CDH11: variants seen among roughly 807,000 people sequenced by gnomAD.
CDH11 encodes cadherin-11.
Under a neutral mutation model 67.8 loss-of-function variants are expected in CDH11, and 11 were observed. The ratio of observed to expected loss-of-function variants is 0.16; its 90% CI spans 0.10 to 0.27. CDH11 has a LOEUF of 0.27. CDH11 is among the 10% of genes least tolerant of loss of function. The pLI is 1.00. For missense variants in CDH11, 847 were observed against 1,031.2 expected (o/e 0.82, Z 2.45); for synonymous variants, 419 against 400.0 (o/e 1.05, Z -0.57).
At chr16:65,016,536 A>T (rs1286062376) in intron 2 of CDH11, among the ~76,000 whole-genome samples, 1 of 152,192 alleles carries the variant, frequency 6.6e-6, no homozygotes, top group Admixed American at 6.5e-5. Context: ...CCTATTGTGA[A>T]ATTACAGATG....
upstream of CDH11, among the ~76,000 whole-genome samples, chr16:65,123,015 G>C (rs1289360949): frequency 6.6e-6 from 1 of 152,168 alleles, no homozygotes; most frequent in African/African-American, 2.4e-5. Context: ...TCCTTCCTCC[G>C]CTGTTCCCCT....
rs895268654 is a variant in CDH11 at position 64,946,982 on chromosome 16, G to T, written c.*621C>A. The T allele has an allele frequency of 2.1e-6, 2 of 967,416 alleles. No homozygotes were observed. The highest frequency in any genetic ancestry group is 3.5e-5 in the African/African-American group (2 of 57,674). 59.9% of individuals were successfully genotyped at this position (967,416 alleles called of 1,614,324 possible). ...ATTAAAAATGACATAGAAATAGGGC[G>T]TCTCTCACTGAAACAAGACAGTTAT... On this transcript the variant is annotated 3_prime_UTR_variant, in exon 13 of 13. Transcript: ENST00000268603.
chr16:64,998,712 T>A lies in CDH11; in HGVS notation c.373A>T (p.Thr125Ser), dbSNP rs2072839677. ...TLDREERAQY[T>S]LMAQAVDRDT... ...CTGTCCACCGCCTGAGCCATCAACG[T>A]GTACTGGGCTCTCTCTTCTCGATCC... Residue 125 changes from threonine to serine, a missense_variant, in exon 4 of 13, where the codon ACG becomes TCG. Physicochemically the swap from Thr to Ser is moderately conservative, Grantham distance 58. Transcript: ENST00000268603. 1 of 1,614,042 alleles carries A rather than the reference T, an allele frequency of 6.2e-7. No homozygotes were observed.
At chr16:65,016,159 T>C (rs1292457423) in intron 2 of CDH11, among the ~76,000 whole-genome samples, 5 of 152,244 alleles carry the variant, frequency 3.3e-5, no homozygotes, top group Admixed American at 1.3e-4. Context: ...GGCTTTTTCG[T>C]ATATCTATAT....
chr16:64,957,141 T>C (rs2142387523), intron 11 of CDH11, among the ~76,000 whole-genome samples: 1 of 152,246 alleles, frequency 6.6e-6, no homozygotes, highest in East Asian at 1.9e-4. Flanking sequence ...GGCAACGGCA[T>C]CAGTCACTCA....
intron 1 of CDH11, among the ~76,000 whole-genome samples, chr16:65,107,516 T>TC (rs1339721346): frequency 2.0e-5 from 3 of 152,190 alleles, no homozygotes; most frequent in African/African-American, 7.2e-5. Flanking sequence ...ACTTTCTGTC[T>TC]CTTTCTATCA....
At chr16:65,060,696 T>C (rs2142739555) in intron 1 of CDH11, among the ~76,000 whole-genome samples, 1 of 152,330 alleles carries the variant, frequency 6.6e-6, no homozygotes, top group African/African-American at 2.4e-5. Context: ...TTTGTCTCCT[T>C]GTCATGTATA....
rs934140832 is a variant in CDH11, at chr16:65,092,630, A to T, written c.-298+29250T>A. Reference sequence around the variant, plus strand: ...GCCACAGCCAAGTGGCCAAGCCCAGACCAAGTGTCAGGTGTCCATTCACCT... The same window carrying T: ...GCCACAGCCAAGTGGCCAAGCCCAGTCCAAGTGTCAGGTGTCCATTCACCT... On this transcript the variant is annotated intron_variant, in intron 1 of 12. Coordinates refer to ENST00000268603, the MANE Select transcript of CDH11 (RefSeq NM_001797.4). Among the ~76,000 whole-genome samples the T allele has an allele frequency of 2.6e-5, 4 of 152,160 alleles. No individual in the cohort carries two copies. In the East Asian group the frequency reaches 7.7e-4, roughly 29 times the overall value.
chr16:65,029,052 C>T (rs9922115), intron 2 of CDH11, among the ~76,000 whole-genome samples: 6,345 of 152,200 alleles, frequency 0.042, 468 homozygotes, highest in African/African-American at 0.15. Context: ...CTGCACTGTA[C>T]ACTTAAACTA....
At chr16:64,997,567 T>C (rs889009223) in intron 4 of CDH11, among the ~76,000 whole-genome samples, 6 of 152,104 alleles carry the variant, frequency 3.9e-5, no homozygotes, top group Non-Finnish European at 5.9e-5. Context: ...ATATTTGTTG[T>C]TTCTCATTAT....
chr16:65,025,342 T>C (rs975938303), intron 2 of CDH11, among the ~76,000 whole-genome samples: 10 of 152,052 alleles, frequency 6.6e-5, no homozygotes, highest in African/African-American at 2.4e-4. Context: ...TAGGTTTTTT[T>C]CCCCCTCTTT....
chr16:65,110,620 AATG>A (rs1266093683), intron 1 of CDH11, among the ~76,000 whole-genome samples: 1 of 142,914 alleles, frequency 7.0e-6, no homozygotes, highest in Admixed American at 7.2e-5. Context: ...ATCCATGGCC[AATG>A]ATGTGTGTGT....
chr16:64,976,850 AAAACC>A (rs1273303862), intron 8 of CDH11, among the ~76,000 whole-genome samples: 1 of 106,926 alleles, frequency 9.4e-6, no homozygotes, highest in Admixed American at 1.1e-4. Context: ...TCGGTCTCCA[AAAACC>A]AACCAACCAA....
intron 9 of CDH11, 93 bp downstream of exon 9, chr16:64,972,811 T>G (rs1046783343): frequency 5.9e-5 from 78 of 1,329,524 alleles, no homozygotes; most frequent in Non-Finnish European, 7.9e-5. Flanking sequence ...CCAAAAAAGT[T>G]AGTCTATCTC....
chr16:65,122,340 A>C, upstream of CDH11: 3 of 276,524 alleles, frequency 1.1e-5, no homozygotes, highest in Non-Finnish European at 2.1e-5. Flanking sequence ...CGGCGCTCCG[A>C]CTCCCTCAGG....
intron 2 of CDH11, among the ~76,000 whole-genome samples, chr16:65,010,667 A>G (rs910140394): frequency 1.3e-5 from 2 of 152,122 alleles, no homozygotes; most frequent in Admixed American, 6.6e-5. Context: ...AGCGCTCTGC[A>G]AAGGTGAGTG....
chr16:64,945,301 T>TAAAAAAAAAAAAAAAAAAG lies in CDH11; in HGVS notation c.*2283_*2301dup, dbSNP rs2071175992. On this transcript the variant is annotated 3_prime_UTR_variant, in exon 13 of 13. Transcript: ENST00000268603. The stretch of plus-strand genomic sequence containing the variant: ...AGAGGCTTAACGAAAAAATAAAAGG[T>TAAAAAAAAAAAAAAAAAAG]AAAAAAAAAAAAAAAAAAGAAAAAG... 2.7e-6 allele frequency: 1 copy of TAAAAAAAAAAAAAAAAAAG among 371,896 alleles called. No individual in the cohort carries two copies. Among genetic ancestry groups the TAAAAAAAAAAAAAAAAAAG allele is most frequent in the African/African-American group, 2.5e-5 (1 of 39,594 alleles). The allele number at this position is 371,896 out of a possible 1,614,324, so 23.0% of individuals were successfully genotyped here. A position where few individuals can be genotyped will look rare whatever the true frequency, so the allele number is the denominator to read the frequency against.
At chr16:65,041,323 C>T (rs1160740366) in intron 2 of CDH11, among the ~76,000 whole-genome samples, 2 of 151,956 alleles carry the variant, frequency 1.3e-5, no homozygotes, top group Non-Finnish European at 2.9e-5. Context: ...AAGACCAGCA[C>T]ATTTGTCATC....
Position 64,972,537 on chromosome 16 carries a change from G to A in CDH11, c.1390+367C>T, listed in dbSNP as rs149486702. Among the ~76,000 whole-genome samples, 340 of 152,256 alleles carry A rather than the reference G, an allele frequency of 2.2e-3. 3 individuals carry two copies. The highest frequency in any genetic ancestry group is 7.5e-3 in the African/African-American group (312 of 41,554). Reference sequence around the variant, plus strand: ...CAACCTGATGCATGATCAAGTTTGAGTTGTTGTCTATAGATAAACAAGAAC... The same window carrying A: ...CAACCTGATGCATGATCAAGTTTGAATTGTTGTCTATAGATAAACAAGAAC... On this transcript the variant is annotated intron_variant, in intron 9 of 12. Coordinates refer to ENST00000268603, the MANE Select transcript of CDH11 (RefSeq NM_001797.4).
Sources: allele counts gnomAD v4.1 joint callset (sites outside exome capture counted in the v4.1 genomes callset), GRCh38; gene constraint gnomAD v4.1.1; transcripts MANE v1.5; gene names NCBI Gene and HGNC (gene_info 2026-07-23, HGNC 2026-07-21).